The following CRYBG3 variants were observed in gnomAD, a reference collection of about 807,000 sequenced individuals.
CRYBG3 encodes crystallin beta-gamma domain containing 3, also known as very large A-kinase anchor protein.
Under a neutral mutation model 244.2 loss-of-function variants are expected in CRYBG3, and 127 were observed. The ratio of observed to expected loss-of-function variants is 0.52; its 90% confidence interval spans 0.45 to 0.60. The LOEUF (loss-of-function observed/expected upper bound fraction) is 0.60, where lower values mean the gene tolerates loss of function less well. CRYBG3 is among the 20% of genes least tolerant of loss of function. The pLI, the probability that CRYBG3 is intolerant of heterozygous loss-of-function variation, is 0.00. For synonymous variants in CRYBG3, 1,132 were observed against 1,195.8 expected (o/e 0.95, Z 1.10); for missense variants, 3,325 against 3,442.5 (o/e 0.97, Z 0.85).
intron 7 of CRYBG3, among the ~76,000 whole-genome samples, chr3:97,886,229 T>A (rs957913174): frequency 6.6e-6 from 1 of 152,056 alleles, no homozygotes; most frequent in Non-Finnish European, 1.5e-5. Context: ...CCCGATGAGA[T>A]CAGCTTTTAT....
chr3:97,874,399 G>A lies in CRYBG3; in HGVS notation c.3205G>A (p.Glu1069Lys). The change falls in exon 4 of 22, where the codon GAA becomes AAA. Residue 1069 changes from glutamate to lysine, a missense_variant. Transcript: ENST00000389622. ...GTCATCTTCCTCTAGTTACCCTGAA[G>A]AAGTTAGCATGATAGTAAATTCACA... Reference protein sequence around the residue: ...SVSSSSSYPEEVSMIVNSHKP... With the variant: ...SVSSSSSYPEKVSMIVNSHKP... 1 of 1,534,080 alleles carries A rather than the reference G, an allele frequency of 6.5e-7. No homozygotes were observed. The highest frequency in any genetic ancestry group is 1.2e-5 in the South Asian group (1 of 83,376).
At chr3:97,916,943 G>C (rs2039935519) in intron 17 of CRYBG3, among the ~76,000 whole-genome samples, 2 of 152,116 alleles carry the variant, frequency 1.3e-5, no homozygotes, top group African/African-American at 4.8e-5. Flanking sequence ...TGCTGGAAAA[G>C]ACATTGGAAG....
chr3:97,857,351 A>G (rs760847427), intron 2 of CRYBG3, among the ~76,000 whole-genome samples: 11 of 151,776 alleles, frequency 7.2e-5, no homozygotes, highest in African/African-American at 2.7e-4. Flanking sequence ...TTCTGTAGCT[A>G]TTAGATGAAA....
intron 18 of CRYBG3, among the ~76,000 whole-genome samples, chr3:97,936,507 T>C (rs1282453685): frequency 6.6e-6 from 1 of 152,018 alleles, no homozygotes; most frequent in Non-Finnish European, 1.5e-5. Context: ...GCTATGACAA[T>C]GTTATCAAAG....
intron 15 of CRYBG3, among the ~76,000 whole-genome samples, chr3:97,910,822 A>T (rs1454631857): frequency 6.6e-6 from 1 of 152,132 alleles, no homozygotes; most frequent in Non-Finnish European, 1.5e-5. Flanking sequence ...ATGTCTCTGC[A>T]TTTTTTGGAG....
intron 11 of CRYBG3, among the ~76,000 whole-genome samples, chr3:97,894,277 A>G (rs1451985873): frequency 6.6e-6 from 1 of 152,142 alleles, no homozygotes; most frequent in Non-Finnish European, 1.5e-5. Flanking sequence ...GTTATTCTCT[A>G]AGTTTTTTTT....
At chr3:97,900,094 A>G (rs1180304767) in intron 14 of CRYBG3, among the ~76,000 whole-genome samples, 6 of 152,222 alleles carry the variant, frequency 3.9e-5, no homozygotes, top group Non-Finnish European at 8.8e-5. Flanking sequence ...CAGGGGTGCA[A>G]TCCTAGCACT....
rs754368775 is a variant in CRYBG3, at chr3:97,873,630, T to A, written c.2436T>A (p.Ile812=). The change falls in exon 4 of 22, where the codon ATT becomes ATA. Residue 812 remains isoleucine, a synonymous_variant. Coordinates refer to ENST00000389622, the MANE Select transcript of CRYBG3 (RefSeq NM_153605.4). ...CCTTGGAAGCCAAAACTGCTAACAT[T>A]GTATCAAAAGCTGAAATTGATGGTC... ...SLSLEAKTAN[I]VSKAEIDGQN... is the part of the protein sequence containing the mutation. The A allele has an allele frequency of 6.5e-6, 10 of 1,534,522 alleles. No individual in the cohort carries two copies. In the South Asian group the frequency reaches 1.2e-4, roughly 18 times the overall value.
chr3:97,882,346 G>T (rs2039458165), intron 7 of CRYBG3, among the ~76,000 whole-genome samples: 1 of 151,908 alleles, frequency 6.6e-6, no homozygotes, highest in Non-Finnish European at 1.5e-5. Context: ...TTTTTCTAGT[G>T]TAGATTGCTA....
chr3:97,918,747 C>T (rs549079051), intron 17 of CRYBG3, among the ~76,000 whole-genome samples: 29 of 152,168 alleles, frequency 1.9e-4, no homozygotes, highest in Non-Finnish European at 3.5e-4. Flanking sequence ...GCTTTAGATA[C>T]ACTTTTGATA....
In CRYBG3 at chr3:97,886,629, A is replaced by G. The variant is rs1421689845; in HGVS notation, c.7153-2A>G. On this transcript the variant is annotated splice_acceptor_variant, in intron 7 of 21. Coordinates refer to ENST00000389622, the MANE Select transcript of CRYBG3 (RefSeq NM_153605.4). LOFTEE classifies it high-confidence loss of function. The stretch of plus-strand genomic sequence containing the variant: ...CAAAGCCAAATTATTTTTTTTTTTC[A>G]GGACTGCAGCATTCCAGAAATAGAG... 2 of 1,583,686 alleles carry G rather than the reference A, an allele frequency of 1.3e-6. No individual in the cohort carries two copies. Among genetic ancestry groups the G allele is most frequent in the African/African-American group, 2.8e-5 (2 of 72,356 alleles).
intron 15 of CRYBG3, among the ~76,000 whole-genome samples, chr3:97,905,293 G>C (rs879771740): frequency 1.8e-4 from 27 of 151,744 alleles, no homozygotes; most frequent in Non-Finnish European, 2.5e-4. Context: ...GATATTTCCA[G>C]TTCTAGATCC....
chr3:97,846,261 A>G (rs1286056209), intron 2 of CRYBG3, among the ~76,000 whole-genome samples: 2 of 152,032 alleles, frequency 1.3e-5, no homozygotes, highest in East Asian at 3.9e-4. Flanking sequence ...TCCCATCCCT[A>G]CCTCTGGCTA....
intron 1 of CRYBG3, among the ~76,000 whole-genome samples, chr3:97,827,395 C>T (rs975887201): frequency 6.6e-5 from 10 of 152,100 alleles, no homozygotes; most frequent in Non-Finnish European, 1.5e-4. Flanking sequence ...GAGAACAAAT[C>T]GAAGTTTTTC....
Position 97,873,095 on chromosome 3 carries a change from A to C in CRYBG3, c.1901A>C (p.Glu634Ala), listed in dbSNP as rs1331323672. Residue 634 changes from glutamate (E) to alanine (A), a missense_variant, in exon 4 of 22, where the codon GAA (glutamate) becomes GCA (alanine). Coordinates refer to ENST00000389622, the MANE Select transcript of CRYBG3 (RefSeq NM_153605.4). ...PLDSESPQQA[E>A]VSPDAKTSLS... Reference sequence around the variant, plus strand: ...GACTCTGAGAGTCCTCAACAAGCTGAAGTATCACCTGATGCTAAAACATCT... The same window carrying C: ...GACTCTGAGAGTCCTCAACAAGCTGCAGTATCACCTGATGCTAAAACATCT... The C allele has an allele frequency of 6.5e-7, 1 of 1,535,012 alleles. No homozygotes were observed. The highest frequency in any genetic ancestry group is 8.7e-7 in the Non-Finnish European group (1 of 1,146,536).
At chr3:97,848,485 T>G (rs942013523) in intron 2 of CRYBG3, among the ~76,000 whole-genome samples, 1 of 152,132 alleles carries the variant, frequency 6.6e-6, no homozygotes, top group Non-Finnish European at 1.5e-5. Context: ...GTATTTTTAG[T>G]AGAGACAAGG....
intron 17 of CRYBG3, among the ~76,000 whole-genome samples, chr3:97,922,674 A>C (rs1482108396): frequency 1.3e-5 from 2 of 152,198 alleles, no homozygotes; most frequent in African/African-American, 4.8e-5. Context: ...CGATCATTAA[A>C]AAGTCAGGAA....
Position 97,873,762 on chromosome 3 carries a change from G to A in CRYBG3, c.2568G>A (p.Met856Ile). 1 of 1,535,008 alleles carries A rather than the reference G, an allele frequency of 6.5e-7. No homozygotes were observed. Among genetic ancestry groups the A allele is most frequent in the South Asian group, 1.2e-5 (1 of 83,766 alleles). ...CCAGAAACATTTCTCAGGATAAAAT[G>A]TCTTCTTTTCCATTGAAAATTACCC... ...VEPRNISQDK[M>I]SSFPLKITHV... Residue 856 changes from methionine (M) to isoleucine (I), a missense_variant, in exon 4 of 22, where the codon ATG becomes ATA. Around this residue, in one of 4 missense-constraint regions of CRYBG3, gnomAD observed 1,526 missense variants for 1,443.2 expected, o/e 1.06. Transcript: ENST00000389622.
In CRYBG3 at chr3:97,874,891, A is replaced by G. The variant is rs1206751243; in HGVS notation, c.3697A>G (p.Ile1233Val). ...TCQEHIAIEG[I>V]MNLGTLKEDI... ...CCAGGAGCATATAGCCATAGAAGGT[A>G]TAATGAATCTGGGTACCCTGAAAGA... The change falls in exon 4 of 22, where the codon ATA (isoleucine) becomes GTA (valine). Residue 1233 changes from isoleucine to valine, a missense_variant. Coordinates refer to ENST00000389622, the MANE Select transcript of CRYBG3 (RefSeq NM_153605.4). The G allele has an allele frequency of 2.0e-6, 3 of 1,535,166 alleles. No individual in the cohort carries two copies. The highest frequency in any genetic ancestry group is 1.2e-5 in the South Asian group (1 of 83,860).
Sources: allele counts gnomAD v4.1 joint callset (sites outside exome capture counted in the v4.1 genomes callset), GRCh38; gene constraint gnomAD v4.1.1; regional missense constraint gnomAD v4.1.1; transcripts MANE v1.5; gene names NCBI Gene and HGNC (gene_info 2026-07-23, HGNC 2026-07-21).